HSD17B12: variants seen among roughly 807,000 people sequenced by gnomAD.
HSD17B12 encodes the protein very-long-chain 3-oxoacyl-CoA reductase.
HSD17B12 carries 32 observed loss-of-function variants against 39.3 expected under a neutral mutation model. The ratio of observed to expected loss-of-function variants is 0.81; its 90% CI spans 0.61 to 1.09. HSD17B12 has a LOEUF of 1.09. Ranked by LOEUF, HSD17B12 falls within the 50% of genes least tolerant of loss-of-function variation. The probability of loss-of-function intolerance (pLI) is 0.00; values close to 1 mark genes in which losing one functional copy is unlikely to be tolerated. For missense variants in HSD17B12, 342 were observed against 382.9 expected (o/e 0.89, Z 0.89); for synonymous variants, 150 against 146.7 (o/e 1.02, Z -0.16).
At chr11:43,646,034 A>C in the HSD17B12 span, 1 of 151,622 alleles carries the variant, frequency 6.6e-6, no homozygotes, top group Non-Finnish European at 1.5e-5. Context: ...TAGTCCGGCT[A>C]CTCTGGAGGC....
the HSD17B12 span, among the ~76,000 whole-genome samples, chr11:43,673,694 TGTA>T: frequency 5.3e-5 from 8 of 151,336 alleles, no homozygotes. Context: ...TTTGTTTGTT[TGTA>T]TTTTTTGTAG....
chr11:43,726,799 T>C (rs1950224033), intron 1 of HSD17B12, among the ~76,000 whole-genome samples: 1 of 152,222 alleles, frequency 6.6e-6, no homozygotes, highest in Non-Finnish European at 1.5e-5. Flanking sequence ...ACACATTCTA[T>C]GTCTAATTAG....
chr11:43,798,253 C>T (rs1266322123), intron 3 of HSD17B12, 67 bp from the exon 4 acceptor site: 12 of 870,450 alleles, frequency 1.4e-5, no homozygotes, highest in Non-Finnish European at 2.1e-5. Context: ...CTATCAAATG[C>T]CTTAATCTTC....
chr11:43,618,413 A>G, the HSD17B12 span, among the ~76,000 whole-genome samples: 3 of 152,358 alleles, frequency 2.0e-5, no homozygotes, highest in Admixed American at 2.0e-4. Context: ...GGTGCTTGAC[A>G]ACTTACGCCT....
chr11:43,594,196 G>C, the HSD17B12 span, among the ~76,000 whole-genome samples: 1 of 152,006 alleles, frequency 6.6e-6, no homozygotes, highest in Non-Finnish European at 1.5e-5. Flanking sequence ...CAAAATCCTT[G>C]AAATAGTAGT....
At chr11:43,607,689 T>C in the HSD17B12 span, among the ~76,000 whole-genome samples, 1 of 152,216 alleles carries the variant, frequency 6.6e-6, no homozygotes, top group African/African-American at 2.4e-5. Flanking sequence ...ATAACGGTCA[T>C]TGTATCATAT....
the HSD17B12 span, among the ~76,000 whole-genome samples, chr11:43,621,045 A>T: frequency 6.6e-6 from 1 of 152,326 alleles, no homozygotes; most frequent in South Asian, 2.1e-4. Context: ...TAGTGCATGA[A>T]GTAGAAGAGA....
the HSD17B12 span, among the ~76,000 whole-genome samples, chr11:43,653,574 C>T: frequency 1.3e-4 from 20 of 151,984 alleles, no homozygotes; most frequent in African/African-American, 1.2e-4. Context: ...CAACAGTCCC[C>T]GGTGTGTGAT....
chr11:43,691,142 T>C (rs1335120073), intron 1 of HSD17B12, among the ~76,000 whole-genome samples: 1 of 152,182 alleles, frequency 6.6e-6, no homozygotes, highest in East Asian at 1.9e-4. Flanking sequence ...TTGCTAGTCA[T>C]GAAGCTCCAA....
chr11:43,570,562 AC>A, the HSD17B12 span, among the ~76,000 whole-genome samples: 2 of 152,098 alleles, frequency 1.3e-5, no homozygotes, highest in African/African-American at 4.8e-5. Context: ...AGTCAGATCC[AC>A]CCTGTTAGGC....
intron 3 of HSD17B12, among the ~76,000 whole-genome samples, chr11:43,779,304 G>A (rs1950741820): frequency 6.6e-6 from 1 of 152,128 alleles, no homozygotes; most frequent in South Asian, 2.1e-4. Flanking sequence ...CTTCTTATAG[G>A]CATTAATTTG....
intron 6 of HSD17B12, among the ~76,000 whole-genome samples, chr11:43,823,827 A>C (rs945740173): frequency 6.6e-6 from 1 of 152,202 alleles, no homozygotes; most frequent in Admixed American, 6.5e-5. Flanking sequence ...TAAGGGTCAC[A>C]CTGATTGTGT....
chr11:43,827,965 T>C (rs1250641493), intron 6 of HSD17B12, among the ~76,000 whole-genome samples: 1 of 152,172 alleles, frequency 6.6e-6, no homozygotes, highest in East Asian at 1.9e-4. Flanking sequence ...ATATAACATA[T>C]ATATTAAACT....
chr11:43,612,182 G>A, the HSD17B12 span, among the ~76,000 whole-genome samples: 1 of 152,028 alleles, frequency 6.6e-6, no homozygotes, highest in African/African-American at 2.4e-5. Flanking sequence ...TTTGAAAGCT[G>A]TATTTATGAA....
chr11:43,653,995 C>G, the HSD17B12 span, among the ~76,000 whole-genome samples: 4 of 150,482 alleles, frequency 2.7e-5, no homozygotes, highest in Admixed American at 1.3e-4. Flanking sequence ...GGTTGAACTA[C>G]TTTACGGTCC....
At chr11:43,621,082 G>A in the HSD17B12 span, among the ~76,000 whole-genome samples, 2 of 152,316 alleles carry the variant, frequency 1.3e-5, no homozygotes, top group Non-Finnish European at 2.9e-5. Flanking sequence ...GCATCAGGGA[G>A]TCAACAAGAA....
At chr11:43,777,858 C>G (rs2135002940) in intron 3 of HSD17B12, among the ~76,000 whole-genome samples, 1 of 152,220 alleles carries the variant, frequency 6.6e-6, no homozygotes, top group Non-Finnish European at 1.5e-5. Context: ...ATTTATAGCA[C>G]TAAATGCCCA....
chr11:43,852,431 C>G (rs1951540709), intron 9 of HSD17B12: 2 of 151,046 alleles, frequency 1.3e-5, no homozygotes, highest in African/African-American at 4.8e-5. Flanking sequence ...CTTACAATAC[C>G]TTTACCAGGC....
the HSD17B12 span, among the ~76,000 whole-genome samples, chr11:43,628,197 A>G: frequency 6.6e-6 from 1 of 152,032 alleles, no homozygotes; most frequent in East Asian, 1.9e-4. Flanking sequence ...CTTGGCAACT[A>G]TCAACTATGT....
Sources: allele counts gnomAD v4.1 joint callset (sites outside exome capture counted in the v4.1 genomes callset), GRCh38; gene constraint gnomAD v4.1.1; transcripts MANE v1.5; gene names NCBI Gene and HGNC (gene_info 2026-07-23, HGNC 2026-07-21).